The following WDR33 variants were observed in gnomAD, a reference collection of about 807,000 sequenced individuals.
WDR33 encodes WD repeat domain 33, also known as pre-mRNA 3' end processing protein WDR33.
A neutral mutation model predicts 164.9 loss-of-function variants in WDR33; 47 were observed. The ratio of observed to expected loss-of-function variants is 0.29; its 90% CI spans 0.23 to 0.36. The LOEUF is 0.36. Ranked by LOEUF, WDR33 falls within the 10% of genes least tolerant of loss-of-function variation. The pLI is 1.00. For missense variants in WDR33, 1,137 were observed against 1,754.1 expected (o/e 0.65, Z 6.28); for synonymous variants, 505 against 589.0 (o/e 0.86, Z 2.06).
chr2:127,795,063 A>G (rs931092355), intron 1 of WDR33, among the ~76,000 whole-genome samples: 1 of 151,246 alleles, frequency 6.6e-6, no homozygotes. Context: ...TGAACATGGA[A>G]TCTGTACAAG....
chr2:127,736,106 A>G, intron 7 of WDR33: 1 of 985,454 alleles, frequency 1.0e-6, no homozygotes. Context: ...GAGAGCCTTC[A>G]GTCCTTTCAA....
chr2:127,754,480 G>A (rs565582414), intron 7 of WDR33, among the ~76,000 whole-genome samples: 42 of 152,118 alleles, frequency 2.8e-4, no homozygotes, highest in African/African-American at 8.2e-4. Context: ...GTGCAGTGGC[G>A]CGATCTCGGC....
At chr2:127,798,709 C>CA (rs551215356) in intron 1 of WDR33, among the ~76,000 whole-genome samples, 149 of 150,110 alleles carry the variant, frequency 9.9e-4, no homozygotes, top group Non-Finnish European at 1.7e-3. Context: ...GTTTAGATTT[C>CA]AAAAAAAACA....
chr2:127,773,900 A>G (rs1205040417), intron 1 of WDR33, among the ~76,000 whole-genome samples: 1 of 151,758 alleles, frequency 6.6e-6, no homozygotes, highest in Non-Finnish European at 1.5e-5. Context: ...AGTAGCTGGG[A>G]CCATTAGGTG....
At chr2:127,784,968 G>A (rs868750595) in intron 1 of WDR33, among the ~76,000 whole-genome samples, 3 of 152,180 alleles carry the variant, frequency 2.0e-5, no homozygotes, top group Middle Eastern at 6.8e-3. Flanking sequence ...TTCTTATCTT[G>A]AAAGCTCAGA....
intron 1 of WDR33, among the ~76,000 whole-genome samples, chr2:127,800,361 G>A (rs1056480286): frequency 2.3e-4 from 35 of 152,228 alleles, no homozygotes; most frequent in Admixed American, 1.3e-4. Context: ...AAGCCTGGGC[G>A]CAGTGGCTCA....
intron 1 of WDR33, among the ~76,000 whole-genome samples, chr2:127,803,174 A>G (rs1325305671): frequency 6.8e-6 from 1 of 147,726 alleles, no homozygotes; most frequent in Admixed American, 6.8e-5. Context: ...AAAGGACTGG[A>G]AAAAAAACTG....
chr2:127,796,980 A>G (rs1171282607), intron 1 of WDR33, among the ~76,000 whole-genome samples: 2 of 152,020 alleles, frequency 1.3e-5, no homozygotes, highest in African/African-American at 4.8e-5. Context: ...CTACTTGCTA[A>G]AATTGACCTG....
intron 7 of WDR33, chr2:127,762,659 A>G (rs1687711112): frequency 2.0e-6 from 2 of 998,150 alleles, no homozygotes; most frequent in African/African-American, 1.7e-5. Context: ...TGTAGCTTTG[A>G]TACCTCTATC....
Position 127,719,395 on chromosome 2 carries a change from A to G in WDR33, c.2630T>C (p.Met877Thr). The G allele has an allele frequency of 6.6e-7, 1 of 1,524,516 alleles. No homozygotes were observed. Among genetic ancestry groups the G allele is most frequent in the South Asian group, 1.3e-5 (1 of 75,374 alleles). 94.4% of individuals were successfully genotyped at this position (1,524,516 alleles called of 1,614,324 possible). ...TCCCTGAGGTCCGGGGGGTCCTTGC[A>G]TGCCACCCTGGGGTGGAGGTCCTAA... ...GSLGPPPQGG[M>T]QGPPGPQGQQ... Residue 877 changes from methionine (M) to threonine (T), a missense_variant, in exon 16 of 22, where the codon ATG becomes ACG. Coordinates refer to ENST00000322313, the MANE Select transcript of WDR33 (RefSeq NM_018383.5). This position sits in a 1 kb window ranked among gnomAD's most constrained non-coding sequence, Gnocchi z 6.5.
At chr2:127,742,277 C>A (rs927278988) in intron 7 of WDR33, among the ~76,000 whole-genome samples, 1 of 152,044 alleles carries the variant, frequency 6.6e-6, no homozygotes, top group Non-Finnish European at 1.5e-5. Context: ...TCTGTAATCC[C>A]AGGACCTTGG....
chr2:127,727,707 G>T (rs952942679), intron 7 of WDR33, among the ~76,000 whole-genome samples: 2 of 152,278 alleles, frequency 1.3e-5, no homozygotes, highest in African/African-American at 4.8e-5. Flanking sequence ...TATGATTTTT[G>T]AAAAACTGGA....
At position 127,801,299 on chromosome 2, in the gene WDR33, C is replaced by G. The variant is rs531507580; in HGVS notation, c.-24+9713G>C. 1.8e-4 allele frequency among the ~76,000 whole-genome samples: 28 copies of G among 151,986 alleles called. No individual in the cohort carries two copies. The Middle Eastern group carries it at 0.01, about 55-fold the overall frequency. ...CCTTTTCTCAGAGGAAAAACACACA[C>G]AGACACAGAAAATAATAACTGTTGG... On this transcript the variant is annotated intron_variant, in intron 1 of 21. Coordinates refer to ENST00000322313, the MANE Select transcript of WDR33 (RefSeq NM_018383.5).
At position 127,764,513 on chromosome 2, in the gene WDR33, C is replaced by T; in HGVS notation, c.626+315G>A. ...TTTATTTGGAATGAAATATTCTTGT[C>T]TTACACAGTAGATAATAAAAAGGAA... On this transcript the variant is annotated intron_variant, in intron 6 of 21. Transcript: ENST00000322313. This position sits in a 1 kb window ranked among gnomAD's most constrained non-coding sequence, Gnocchi z 6.2. 1 of 1,512,834 alleles carries T rather than the reference C, an allele frequency of 6.6e-7. No individual in the cohort carries two copies. Among genetic ancestry groups the T allele is most frequent in the Non-Finnish European group, 8.8e-7 (1 of 1,134,672 alleles). The allele number at this position is 1,512,834 out of a possible 1,614,324, so 93.7% of individuals were successfully genotyped here. A position where few individuals can be genotyped will look rare whatever the true frequency, so the allele number is the denominator to read the frequency against.
At chr2:127,807,714 C>A (rs1689488841) in intron 1 of WDR33, among the ~76,000 whole-genome samples, 1 of 152,172 alleles carries the variant, frequency 6.6e-6, no homozygotes, top group South Asian at 2.1e-4. Flanking sequence ...TAAACCAAGT[C>A]ATGAGGGGAA....
intron 1 of WDR33, among the ~76,000 whole-genome samples, chr2:127,794,166 A>C (rs1054379358): frequency 1.4e-5 from 2 of 142,652 alleles, no homozygotes; most frequent in African/African-American, 5.3e-5. Flanking sequence ...GACAGACAGA[A>C]AGACAGACAG....
chr2:127,719,996 T>C lies in WDR33; in HGVS notation c.2029A>G (p.Met677Val), dbSNP rs201862983. The C allele has an allele frequency of 6.5e-5, 105 of 1,613,772 alleles. No homozygotes were observed. In the South Asian group the frequency reaches 1.0e-3, roughly 15 times the overall value. ...RPQDMHGPQG[M>V]QRHPGPHGPL... The stretch of plus-strand genomic sequence containing the variant: ...CCATGAGGTCCAGGATGCCTCTGCA[T>C]TCCTTGGGGCCCATGCATGTCCTGA... Residue 677 changes from methionine to valine, a missense_variant, in exon 16 of 22, where the codon ATG becomes GTG. Transcript: ENST00000322313. The surrounding 1 kb of genome is among the most constrained non-coding windows in gnomAD (Gnocchi z 6.5).
intron 18 of WDR33, among the ~76,000 whole-genome samples, chr2:127,711,769 TATATATA>T (rs1686175818): frequency 8.7e-5 from 8 of 92,356 alleles, no homozygotes; most frequent in Non-Finnish European, 1.4e-4. Flanking sequence ...TATATATATA[TATATATA>T]TATATTTTTT....
intron 7 of WDR33, among the ~76,000 whole-genome samples, chr2:127,756,501 C>G (rs903035778): frequency 2.6e-5 from 4 of 151,936 alleles, no homozygotes; most frequent in Admixed American, 6.6e-5. Context: ...ATGAAAAAGC[C>G]AAGACATATT....
Sources: gnomAD v4.1 joint callset for allele counts (sites outside exome capture counted in the v4.1 genomes callset) on GRCh38, gnomAD v4.1.1 for gene constraint, Gnocchi (gnomAD v3.1) non-coding constraint, MANE v1.5 for transcripts, NCBI Gene and HGNC (gene_info 2026-07-23, HGNC 2026-07-21) for gene names.